The following TMEM183A variants were observed in gnomAD, a reference collection of about 807,000 sequenced individuals.
TMEM183A encodes chromosome 1 open reading frame 37.
Under a neutral mutation model 46.7 loss-of-function variants are expected in TMEM183A, and 21 were observed. The ratio of observed to expected loss-of-function variants is 0.45; its 90% confidence interval spans 0.32 to 0.65. The LOEUF (loss-of-function observed/expected upper bound fraction) is 0.65, where lower values mean the gene tolerates loss of function less well. TMEM183A is among the 30% of genes least tolerant of loss of function. The pLI is 0.04. For synonymous variants in TMEM183A, 165 were observed against 180.2 expected (o/e 0.92, Z 0.68); for missense variants, 331 against 481.9 (o/e 0.69, Z 2.93).
Position 203,007,484 on chromosome 1 carries a change from C to A in TMEM183A, c.19C>A (p.Pro7Thr). The change falls in exon 1 of 8, where the codon CCG becomes ACG. Residue 7 changes from proline (P) to threonine (T), a missense_variant. Transcript: ENST00000367242. MARGPGPLGRPRPDTVA... is the reference protein window; with the variant it reads MARGPGTLGRPRPDTVA... ...CGGAGACATGGCCCGGGGGCCCGGCCCGCTAGGCAGGCCTCGCCCCGATAC... is the reference window on the plus strand; with the variant it reads ...CGGAGACATGGCCCGGGGGCCCGGCACGCTAGGCAGGCCTCGCCCCGATAC... The A allele has an allele frequency of 1.4e-6, 2 of 1,478,978 alleles. No homozygotes were observed. Among genetic ancestry groups the A allele is most frequent in the Non-Finnish European group, 9.0e-7 (1 of 1,112,404 alleles). The allele number at this position is 1,478,978 out of a possible 1,614,324, so 91.6% of individuals were successfully genotyped here. A position where few individuals can be genotyped will look rare whatever the true frequency, so the allele number is the denominator to read the frequency against.
chr1:203,011,467 C>T (rs978945867), intron 3 of TMEM183A, among the ~76,000 whole-genome samples: 9 of 152,024 alleles, frequency 5.9e-5, no homozygotes, highest in African/African-American at 1.9e-4. Context: ...AGTGCAATGT[C>T]GTGATTTCGG....
Position 203,007,452 on chromosome 1 carries a change from C to A in TMEM183A, c.-14C>A. On this transcript the variant is annotated 5_prime_UTR_variant, in exon 1 of 8. Coordinates refer to ENST00000367242, the MANE Select transcript of TMEM183A (RefSeq NM_138391.6). ...TGGCTTGCGGCTCCCGGGGCCGGCT[C>A]TCCGGCCGGAGACATGGCCCGGGGG... The A allele has an allele frequency of 7.8e-6, 11 of 1,418,540 alleles. No homozygotes were observed. The highest frequency in any genetic ancestry group is 1.0e-5 in the Non-Finnish European group (11 of 1,083,758). The allele number at this position is 1,418,540 out of a possible 1,614,324, so 87.9% of individuals were successfully genotyped here.
chr1:203,011,098 T>A (rs1233221461), intron 3 of TMEM183A, among the ~76,000 whole-genome samples: 1 of 152,228 alleles, frequency 6.6e-6, no homozygotes, highest in Non-Finnish European at 1.5e-5. Flanking sequence ...TGGACAAGTT[T>A]TTCTGTGGAC....
Position 203,024,499 on chromosome 1 carries a change from T to A in TMEM183A, c.*1459T>A, listed in dbSNP as rs1269307017. ...ATTCACATTTTTGTTTTTTTTTTTT[T>A]ACCATCTTCCCTAGGAATATTCCTA... On this transcript the variant is annotated 3_prime_UTR_variant, in exon 8 of 8. Transcript: ENST00000367242. 1.3e-5 allele frequency: 2 copies of A among 150,560 alleles called. No individual in the cohort carries two copies. The highest frequency in any genetic ancestry group is 3.0e-5 in the Non-Finnish European group (2 of 67,464). The allele number at this position is 150,560 out of a possible 1,614,324, so 9.3% of individuals were successfully genotyped here. A position where few individuals can be genotyped will look rare whatever the true frequency, so the allele number is the denominator to read the frequency against.
chr1:203,007,820 T>C lies in TMEM183A; in HGVS notation c.156T>C (p.Ser52=), dbSNP rs200150391. The C allele has an allele frequency of 1.9e-6, 3 of 1,613,998 alleles. No homozygotes were observed. The highest frequency in any genetic ancestry group is 1.1e-5 in the South Asian group (1 of 91,078). ...YANSDPAVVR[S]GRVKKAVANA... ...ACTCGGATCCGGCGGTCGTGAGGTC[T>C]GGACGAGTCAAGAAAGCCGTAGCCA... The change falls in exon 2 of 8, where the codon TCT becomes TCC. Residue 52 remains serine, a synonymous_variant. Coordinates refer to ENST00000367242, the MANE Select transcript of TMEM183A (RefSeq NM_138391.6).
intron 5 of TMEM183A, among the ~76,000 whole-genome samples, chr1:203,017,429 A>G (rs577238374): frequency 6.6e-6 from 1 of 152,272 alleles, no homozygotes; most frequent in African/African-American, 2.4e-5. Context: ...GCTACTGCCT[A>G]AATTCTAAAA....
intron 3 of TMEM183A, among the ~76,000 whole-genome samples, chr1:203,014,380 A>G (rs760867343): frequency 2.2e-4 from 34 of 152,170 alleles, no homozygotes; most frequent in Admixed American, 3.9e-4. Context: ...AGGCGGGTGG[A>G]TCACTTGAGG....
chr1:203,018,430 A>G, intron 5 of TMEM183A, 51 bp from the exon 6 acceptor site: 1 of 1,571,060 alleles, frequency 6.4e-7, no homozygotes, highest in Non-Finnish European at 8.6e-7. Context: ...GTGTATTTTG[A>G]TTTTTTTCTT....
chr1:203,012,602 A>G (rs959374135), intron 3 of TMEM183A, among the ~76,000 whole-genome samples: 4 of 152,244 alleles, frequency 2.6e-5, no homozygotes, highest in Non-Finnish European at 4.4e-5. Context: ...ATAATTATGT[A>G]TAAAACACTG....
At chr1:203,018,656 C>G in intron 6 of TMEM183A, 95 bp downstream of exon 6, 1 of 1,355,192 alleles carries the variant, frequency 7.4e-7, no homozygotes, top group Non-Finnish European at 1.0e-6. Context: ...TATAACAGTA[C>G]CACAGATTCT....
Position 203,016,132 on chromosome 1 carries a change from A to T in TMEM183A, c.700A>T (p.Asn234Tyr). The stretch of plus-strand genomic sequence containing the variant: ...AGAAAGCACCCCCAGCACATTAAAG[A>T]ATTCCAAAGTAAGTGAGAATTTGTG... ...IPESTPSTLK[N>Y]SKCLLFWCRK... The change falls in exon 5 of 8, where the codon AAT (asparagine) becomes TAT (tyrosine). Residue 234 changes from asparagine (N) to tyrosine (Y), a missense_variant. By Grantham distance (143) the Asn-to-Tyr change is moderately radical. Coordinates refer to ENST00000367242, the MANE Select transcript of TMEM183A (RefSeq NM_138391.6). 1 of 1,614,212 alleles carries T rather than the reference A, an allele frequency of 6.2e-7. No individual in the cohort carries two copies. The highest frequency in any genetic ancestry group is 1.1e-5 in the South Asian group (1 of 91,088).
Position 203,014,990 on chromosome 1 carries a change from T to C in TMEM183A, c.469T>C (p.Cys157Arg). Residue 157 changes from cysteine (C) to arginine (R), a missense_variant, in exon 4 of 8, where the codon TGT (cysteine) becomes CGT (arginine). Coordinates refer to ENST00000367242, the MANE Select transcript of TMEM183A (RefSeq NM_138391.6). ...GGACATTGTGAATTTTTCCCTGATT[T>C]GTAAGAATGCCTGGACTGTCACTTG... Reference protein sequence around the residue: ...PEDIVNFSLICKNAWTVTCTA... With the variant: ...PEDIVNFSLIRKNAWTVTCTA... 1 of 1,613,916 alleles carries C rather than the reference T, an allele frequency of 6.2e-7. No individual in the cohort carries two copies. The highest frequency in any genetic ancestry group is 8.5e-7 in the Non-Finnish European group (1 of 1,179,934).
intron 6 of TMEM183A, among the ~76,000 whole-genome samples, chr1:203,020,516 C>T (rs1657560979): frequency 6.6e-6 from 1 of 152,202 alleles, no homozygotes; most frequent in South Asian, 2.1e-4. Context: ...ATTGTAGAAC[C>T]TCTGGTAGAG....
chr1:203,022,842 T>G lies in TMEM183A; in HGVS notation c.946-13T>G, dbSNP rs1259318122. On this transcript the variant is annotated splice_polypyrimidine_tract_variant and intron_variant, in intron 7 of 7. Transcript: ENST00000367242. ...TGTGTAAGTTGGATACTGAATTTGC[T>G]TTTCCATTTCAGTTTACTATCAATG... 21 of 1,613,996 alleles carry G rather than the reference T, an allele frequency of 1.3e-5. No homozygotes were observed. The highest frequency in any genetic ancestry group is 1.8e-5 in the Non-Finnish European group (21 of 1,179,854).
At chr1:203,012,219 ATTACTCCCCACTCCAT>A (rs1656706060) in intron 3 of TMEM183A, among the ~76,000 whole-genome samples, 4 of 74,698 alleles carry the variant, frequency 5.4e-5, no homozygotes, top group African/African-American at 1.1e-4. Flanking sequence ...TACTTCAACC[ATTACTCCCCACTCCAT>A]CACACACACA....
intron 3 of TMEM183A, among the ~76,000 whole-genome samples, chr1:203,012,509 T>C (rs1197004805): frequency 6.6e-6 from 1 of 152,200 alleles, no homozygotes; most frequent in Non-Finnish European, 1.5e-5. Flanking sequence ...CCTATGCCTA[T>C]CAAAATTCTT....
chr1:203,015,198 C>G (rs1657050781), intron 4 of TMEM183A, 150 bp downstream of exon 4: 2 of 1,114,672 alleles, frequency 1.8e-6, no homozygotes, highest in South Asian at 3.3e-5. Context: ...GAGCCCCTCT[C>G]TAATTTAAAT....
At chr1:203,017,841 G>A in intron 5 of TMEM183A, 6 of 985,934 alleles carry the variant, frequency 6.1e-6, no homozygotes, top group Non-Finnish European at 7.2e-6. Flanking sequence ...AATTTTGATG[G>A]AACAGCAGGA....
At chr1:203,012,107 A>G (rs570651461) in intron 3 of TMEM183A, among the ~76,000 whole-genome samples, 4 of 146,124 alleles carry the variant, frequency 2.7e-5, no homozygotes, top group Non-Finnish European at 6.0e-5. Context: ...TATGCTGTCA[A>G]CTCACGGCCA....
Sources: allele counts gnomAD v4.1 joint callset (sites outside exome capture counted in the v4.1 genomes callset), GRCh38; gene constraint gnomAD v4.1.1; transcripts MANE v1.5; gene names NCBI Gene and HGNC (gene_info 2026-07-23, HGNC 2026-07-21).